Variants in NRXN1 observed in about 807,000 individuals in gnomAD.
The protein encoded by NRXN1 is neurexin 1.
A neutral mutation model predicts 150.9 loss-of-function variants in NRXN1; 39 were observed. The ratio of observed to expected loss-of-function variants is 0.26; its 90% confidence interval spans 0.20 to 0.34. The LOEUF (loss-of-function observed/expected upper bound fraction) is 0.34. NRXN1 is among the 10% of genes least tolerant of loss of function. NRXN1 has a pLI of 1.00. For synonymous variants in NRXN1, 924 were observed against 757.0 expected, an observed-to-expected ratio of 1.22 and a Z score of -3.62; for missense variants, 1,815 against 1,949.9, an observed-to-expected ratio of 0.93 and a Z score of 1.30.
At chr2:50,170,383 C>T (rs1271699721) in intron 18 of NRXN1, among the ~76,000 whole-genome samples, 1 of 152,072 alleles carries the variant, frequency 6.6e-6, no homozygotes, top group African/African-American at 2.4e-5. Flanking sequence ...GCAACCTCCG[C>T]CTCCTGGATT....
chr2:50,863,253 CTT>C (rs1370875420), intron 5 of NRXN1, among the ~76,000 whole-genome samples: 1 of 151,938 alleles, frequency 6.6e-6, no homozygotes, highest in African/African-American at 2.4e-5. Context: ...TTCAGATGAA[CTT>C]TCTGAAATGA....
At chr2:50,356,059 T>C (rs901517949) in intron 17 of NRXN1, among the ~76,000 whole-genome samples, 1 of 150,912 alleles carries the variant, frequency 6.6e-6, no homozygotes, top group African/African-American at 2.5e-5. Context: ...TTCTTTTCCA[T>C]ACTTCAAAAA....
chr2:50,640,890 T>C (rs1683983844), intron 5 of NRXN1, among the ~76,000 whole-genome samples: 1 of 152,172 alleles, frequency 6.6e-6, no homozygotes, highest in Admixed American at 6.5e-5. Flanking sequence ...AGAAGGCAAC[T>C]GTCGATATTA....
At chr2:50,479,947 T>A (rs2090333002) in intron 15 of NRXN1, among the ~76,000 whole-genome samples, 1 of 151,966 alleles carries the variant, frequency 6.6e-6, no homozygotes, top group South Asian at 2.1e-4. Context: ...CTAACTTCTG[T>A]ATTTTTAGTA....
intron 17 of NRXN1, among the ~76,000 whole-genome samples, chr2:50,372,715 C>T (rs191510488): frequency 1.2e-4 from 18 of 152,132 alleles, no homozygotes; most frequent in African/African-American, 4.3e-4. Context: ...TCACTCATAT[C>T]GCAAACTTTA....
At chr2:50,503,463 C>T (rs924793329) in intron 13 of NRXN1, among the ~76,000 whole-genome samples, 1 of 146,950 alleles carries the variant, frequency 6.8e-6, no homozygotes, top group African/African-American at 2.5e-5. Context: ...CATAAGATAG[C>T]GTAATTATGA....
intron 5 of NRXN1, among the ~76,000 whole-genome samples, chr2:50,880,525 T>G (rs1359410358): frequency 6.6e-6 from 1 of 152,034 alleles, no homozygotes; most frequent in Admixed American, 6.6e-5. Context: ...TACTCACTCA[T>G]CTTTGTTTTA....
intron 2 of NRXN1, among the ~76,000 whole-genome samples, chr2:51,005,553 G>C (rs1364189984): frequency 6.6e-6 from 1 of 151,908 alleles, no homozygotes; most frequent in Non-Finnish European, 1.5e-5. Context: ...GTTTAAGAAA[G>C]TCTCACATAT....
chr2:50,404,681 G>A (rs918966791), intron 17 of NRXN1, among the ~76,000 whole-genome samples: 8 of 152,044 alleles, frequency 5.3e-5, no homozygotes, highest in Admixed American at 3.9e-4. Flanking sequence ...GAGTTTGTCT[G>A]ATTTCCTTTA....
At chr2:50,496,934 G>GT (rs369534842) in intron 14 of NRXN1, among the ~76,000 whole-genome samples, 6 of 152,054 alleles carry the variant, frequency 3.9e-5, no homozygotes, top group East Asian at 1.9e-4. Context: ...AGTTAAAAGG[G>GT]TTTTTTTGAA....
chr2:50,281,951 T>A (rs1217803261), intron 17 of NRXN1, among the ~76,000 whole-genome samples: 1 of 152,122 alleles, frequency 6.6e-6, no homozygotes, highest in African/African-American at 2.4e-5. Flanking sequence ...TGAGAAAAAA[T>A]TTTATTAATA....
chr2:50,710,842 T>C (rs947378172), intron 5 of NRXN1, among the ~76,000 whole-genome samples: 3 of 152,186 alleles, frequency 2.0e-5, no homozygotes, highest in African/African-American at 7.2e-5. Context: ...ACTTTTAAAC[T>C]AGTTTTTTGA....
At chr2:50,399,779 A>G (rs2082277251) in intron 17 of NRXN1, among the ~76,000 whole-genome samples, 1 of 110,860 alleles carries the variant, frequency 9.0e-6, no homozygotes, top group Non-Finnish European at 1.8e-5. Flanking sequence ...CTCTGTAACG[A>G]GAGAACTGGT....
chr2:50,039,082 C>A (rs1474425188), intron 21 of NRXN1, among the ~76,000 whole-genome samples: 1 of 152,136 alleles, frequency 6.6e-6, no homozygotes, highest in East Asian at 1.9e-4. Context: ...GAGCCTGAGG[C>A]AGGAGAATTG....
intron 5 of NRXN1, among the ~76,000 whole-genome samples, chr2:50,775,270 T>G (rs1421110583): frequency 1.3e-5 from 2 of 152,114 alleles, no homozygotes; most frequent in African/African-American, 2.4e-5. Flanking sequence ...AGAATTGTTC[T>G]CTCGGTATCC....
intron 2 of NRXN1, among the ~76,000 whole-genome samples, chr2:50,962,946 A>G (rs1693446336): frequency 1.3e-5 from 2 of 151,644 alleles, no homozygotes; most frequent in East Asian, 3.9e-4. Flanking sequence ...AATTGTGCAA[A>G]AATGGCTTAG....
chr2:50,169,638 A>C (rs1240450709), intron 18 of NRXN1, among the ~76,000 whole-genome samples: 1 of 150,298 alleles, frequency 6.7e-6, no homozygotes, highest in Non-Finnish European at 1.5e-5. Flanking sequence ...GCTTGAACCC[A>C]GGAGCGGAGG....
At chr2:50,377,499 A>C (rs1437018544) in intron 17 of NRXN1, among the ~76,000 whole-genome samples, 1 of 152,112 alleles carries the variant, frequency 6.6e-6, no homozygotes, top group African/African-American at 2.4e-5. Flanking sequence ...TTAATCTATC[A>C]TTGATGGGCA....
Position 50,616,741 on chromosome 2 carries a change from A to G in NRXN1, c.1320+3281T>C, listed in dbSNP as rs563868049. 9.2e-5 allele frequency among the ~76,000 whole-genome samples: 14 copies of G among 152,290 alleles called. No homozygotes were observed. The South Asian group carries it at 2.7e-3, about 29-fold the overall frequency. Reference sequence around the variant, plus strand: ...GGATCCTTTCCATTCTAACACTCCAAAATTTCTTCCATGACTTCAGACAAG... The same window carrying G: ...GGATCCTTTCCATTCTAACACTCCAGAATTTCTTCCATGACTTCAGACAAG... On this transcript the variant is annotated intron_variant, in intron 8 of 22. Transcript: ENST00000401669.
Sources: allele counts gnomAD v4.1 joint callset (sites outside exome capture counted in the v4.1 genomes callset), GRCh38; gene constraint gnomAD v4.1.1; transcripts MANE v1.5; gene names NCBI Gene and HGNC (gene_info 2026-07-23, HGNC 2026-07-21).